The following LINGO2 variants were observed in gnomAD, a reference collection of about 807,000 sequenced individuals.
The protein encoded by LINGO2 is leucine rich repeat and Ig domain containing 2, also known as leucine-rich repeat and immunoglobulin-like domain-containing nogo receptor-interacting protein 2.
LINGO2 carries 14 observed loss-of-function variants against 30.6 expected under a neutral mutation model. The ratio of observed to expected loss-of-function variants is 0.46; its 90% CI spans 0.30 to 0.72. The LOEUF (loss-of-function observed/expected upper bound fraction) is 0.72. Ranked by LOEUF, LINGO2 falls within the 30% of genes least tolerant of loss-of-function variation. LINGO2 has a pLI of 0.07. For missense variants in LINGO2, 729 were observed against 751.7 expected (o/e 0.97, Z 0.35); for synonymous variants, 317 against 288.5 (o/e 1.10, Z -1.00).
chr9:29,025,236 C>T, the LINGO2 span, among the ~76,000 whole-genome samples: 5 of 151,828 alleles, frequency 3.3e-5, no homozygotes, highest in African/African-American at 1.2e-4. Flanking sequence ...ATGAGATGAA[C>T]CCCGTAAACA....
In LINGO2 at chr9:28,279,117, C is replaced by A. The variant is rs368686338; in HGVS notation, c.-87+16091G>T. On this transcript the variant is annotated intron_variant, in intron 4 of 5. Coordinates refer to ENST00000379992, the Ensembl canonical transcript of LINGO2. ...AGATCCTGAAGATGTGACTAAATTG[C>A]TACAATCTCATGATCAAACCTGAAT... 5.9e-5 allele frequency among the ~76,000 whole-genome samples: 9 copies of A among 152,242 alleles called. No homozygotes were observed. The East Asian group carries it at 1.5e-3, about 26-fold the overall frequency.
At chr9:28,185,817 G>A (rs1819521305) in intron 4 of LINGO2, among the ~76,000 whole-genome samples, 1 of 152,040 alleles carries the variant, frequency 6.6e-6, no homozygotes, top group Admixed American at 6.6e-5. Flanking sequence ...AGTTATTCTA[G>A]GGAATGGTCA....
At chr9:28,594,840 G>T (rs1490032975) in intron 1 of LINGO2, among the ~76,000 whole-genome samples, 1 of 152,032 alleles carries the variant, frequency 6.6e-6, no homozygotes, top group African/African-American at 2.4e-5. Flanking sequence ...GTTAAAATCT[G>T]TATGAAAGAA....
rs10968643 is a variant in LINGO2, at chr9:28,526,764, T to G, written c.-364-50739A>C. On this transcript the variant is annotated intron_variant, in intron 1 of 5. Coordinates refer to ENST00000379992, the Ensembl canonical transcript of LINGO2. ...CTAAATGCCACATTACAGGATGCCA[T>G]GTGGCCTGCCCAGCCTTTCCAACTA... 0.01 allele frequency among the ~76,000 whole-genome samples: 1,582 copies of G among 152,344 alleles called. 44 individuals carry two copies. In the East Asian group the frequency reaches 0.11, roughly 10 times the overall value.
chr9:28,178,188 A>C (rs1828800303), intron 4 of LINGO2, among the ~76,000 whole-genome samples: 1 of 152,100 alleles, frequency 6.6e-6, no homozygotes, highest in Non-Finnish European at 1.5e-5. Flanking sequence ...AGGGCATAAA[A>C]CATGGAGTGA....
chr9:28,429,845 A>G (rs778926431), intron 2 of LINGO2, among the ~76,000 whole-genome samples: 4 of 152,164 alleles, frequency 2.6e-5, no homozygotes, highest in Non-Finnish European at 5.9e-5. Flanking sequence ...AGGAAAAAAG[A>G]GGGAGGGATG....
intron 1 of LINGO2, among the ~76,000 whole-genome samples, chr9:28,478,995 A>G (rs1379327806): frequency 6.6e-6 from 1 of 152,008 alleles, no homozygotes; most frequent in Non-Finnish European, 1.5e-5. Context: ...CCTATAATAC[A>G]TTGTGGTAAA....
the LINGO2 span, among the ~76,000 whole-genome samples, chr9:28,930,155 G>T: frequency 1.3e-5 from 2 of 152,058 alleles, no homozygotes; most frequent in African/African-American, 4.8e-5. This position sits in a 1 kb window ranked among gnomAD's most constrained non-coding sequence, Gnocchi z 4.2. Context: ...ATTCCTGTAA[G>T]CACACACTGT....
the LINGO2 span, among the ~76,000 whole-genome samples, chr9:29,070,125 T>A: frequency 2.7e-4 from 41 of 151,984 alleles, no homozygotes; most frequent in Non-Finnish European, 5.4e-4. Flanking sequence ...ATAAATCTCA[T>A]GTAATATTCA....
At chr9:28,475,581 C>G (rs1257575431) in intron 2 of LINGO2, among the ~76,000 whole-genome samples, 1 of 152,100 alleles carries the variant, frequency 6.6e-6, no homozygotes, top group Non-Finnish European at 1.5e-5. Flanking sequence ...TATCTTTAAG[C>G]TCTTTATGCT....
chr9:29,053,095 C>T, the LINGO2 span, among the ~76,000 whole-genome samples: 1 of 151,986 alleles, frequency 6.6e-6, no homozygotes, highest in African/African-American at 2.4e-5. Flanking sequence ...TTTTGAGTGT[C>T]AGGATGTTGC....
At chr9:29,120,887 T>G in the LINGO2 span, among the ~76,000 whole-genome samples, 1 of 152,194 alleles carries the variant, frequency 6.6e-6, no homozygotes, top group African/African-American at 2.4e-5. Context: ...AGGTATCTAA[T>G]GCTGTCAGCA....
At chr9:27,946,047 A>G (rs1823352766), downstream of LINGO2, among the ~76,000 whole-genome samples, 1 of 152,178 alleles carries the variant, frequency 6.6e-6, no homozygotes, top group Non-Finnish European at 1.5e-5. Context: ...ACGTCACAAG[A>G]GTATTACTCT....
At chr9:27,940,364 T>A in the LINGO2 span, 1 of 152,126 alleles carries the variant, frequency 6.6e-6, no homozygotes, top group South Asian at 2.1e-4. Flanking sequence ...TTGCATTTAG[T>A]TATTTATAAG....
intron 4 of LINGO2, among the ~76,000 whole-genome samples, chr9:28,111,235 G>A (rs528941835): frequency 1.4e-4 from 22 of 151,984 alleles, no homozygotes; most frequent in African/African-American, 5.1e-4. Flanking sequence ...CGGGCCTATC[G>A]GGGGCTTGGG....
intron 4 of LINGO2, among the ~76,000 whole-genome samples, chr9:28,055,095 G>A (rs766143140): frequency 6.6e-5 from 10 of 152,014 alleles, no homozygotes; most frequent in East Asian, 1.9e-4. Flanking sequence ...TCCAAAAACC[G>A]GAGAATGCTT....
chr9:29,197,182 A>C, the LINGO2 span, among the ~76,000 whole-genome samples: 1 of 152,026 alleles, frequency 6.6e-6, no homozygotes, highest in African/African-American at 2.4e-5. Flanking sequence ...GGTGTTCAGA[A>C]ATGTATAGCT....
chr9:28,448,571 T>C (rs1352242803), intron 2 of LINGO2, among the ~76,000 whole-genome samples: 1 of 152,044 alleles, frequency 6.6e-6, no homozygotes, highest in Non-Finnish European at 1.5e-5. Flanking sequence ...CCCAAGAACA[T>C]ACAGTTTTCA....
chr9:27,959,419 C>T (rs188166493), intron 5 of LINGO2, among the ~76,000 whole-genome samples: 5 of 152,222 alleles, frequency 3.3e-5, no homozygotes, highest in African/African-American at 1.2e-4. Context: ...TTTCTACATG[C>T]TTTAGCTACA....
Sources: allele counts gnomAD v4.1 joint callset (sites outside exome capture counted in the v4.1 genomes callset), GRCh38; gene constraint gnomAD v4.1.1; non-coding constraint Gnocchi (gnomAD v3.1); transcripts MANE v1.5; gene names NCBI Gene and HGNC (gene_info 2026-07-23, HGNC 2026-07-21).